Variants in ANO2 observed in about 807,000 individuals in gnomAD.
ANO2 encodes anoctamin-2.
ANO2 carries 101 observed loss-of-function variants against 124.2 expected under a neutral mutation model. The observed-to-expected ratio is 0.81, with a 90% CI of 0.69 to 0.96. ANO2 has a LOEUF of 0.96. Ranked by LOEUF, ANO2 falls within the 40% of genes least tolerant of loss-of-function variation. ANO2 has a pLI of 0.00. For synonymous variants in ANO2, 486 were observed against 482.5 expected, an observed-to-expected ratio of 1.01 and a Z score of -0.09; for missense variants, 1,293 against 1,274.5, an observed-to-expected ratio of 1.01 and a Z score of -0.22.
At chr12:5,752,554 CTA>C (rs2137094775) in intron 10 of ANO2, among the ~76,000 whole-genome samples, 1 of 152,110 alleles carries the variant, frequency 6.6e-6, no homozygotes, top group African/African-American at 2.4e-5. Flanking sequence ...TTTTATCAGG[CTA>C]TTTGGTTTTT....
At chr12:5,584,983 C>T (rs1020802696) in intron 20 of ANO2, among the ~76,000 whole-genome samples, 29 of 152,072 alleles carry the variant, frequency 1.9e-4, no homozygotes, top group African/African-American at 6.8e-4. Flanking sequence ...TGGCATCCTT[C>T]CAAGGGCTCA....
At chr12:5,698,134 A>G (rs1224790243) in intron 14 of ANO2, among the ~76,000 whole-genome samples, 2 of 152,234 alleles carry the variant, frequency 1.3e-5, no homozygotes, top group Non-Finnish European at 2.9e-5. Context: ...ATCTGAGAAC[A>G]GACAGACTGC....
At chr12:5,774,367 G>A (rs1952168650) in intron 10 of ANO2, among the ~76,000 whole-genome samples, 1 of 152,184 alleles carries the variant, frequency 6.6e-6, no homozygotes, top group Non-Finnish European at 1.5e-5. Flanking sequence ...CTCAGAGGCT[G>A]AGGTGGGAGG....
chr12:5,761,066 A>AG (rs1173479387), intron 10 of ANO2, among the ~76,000 whole-genome samples: 6 of 151,688 alleles, frequency 4.0e-5, no homozygotes, highest in Admixed American at 2.6e-4. Context: ...AGCAAAAAAA[A>AG]AAAAAAAAAA....
chr12:5,586,849 G>A (rs1441628000), intron 20 of ANO2, among the ~76,000 whole-genome samples: 1 of 152,180 alleles, frequency 6.6e-6, no homozygotes, highest in Non-Finnish European at 1.5e-5. Flanking sequence ...AATATATGGG[G>A]TAGTTTTCCT....
intron 14 of ANO2, among the ~76,000 whole-genome samples, chr12:5,682,318 T>C (rs940121890): frequency 6.7e-6 from 1 of 148,746 alleles, no homozygotes; most frequent in Non-Finnish European, 1.5e-5. Flanking sequence ...CTCTGATCTA[T>C]CTATCTCTCT....
At chr12:5,734,020 G>C (rs191467268) in intron 13 of ANO2, among the ~76,000 whole-genome samples, 1 of 152,156 alleles carries the variant, frequency 6.6e-6, no homozygotes, top group African/African-American at 2.4e-5. Context: ...ATCTCTGAAC[G>C]CTTGTAAAGT....
intron 14 of ANO2, among the ~76,000 whole-genome samples, chr12:5,703,201 A>C (rs918230999): frequency 6.6e-6 from 1 of 152,252 alleles, no homozygotes; most frequent in Admixed American, 6.5e-5. Flanking sequence ...AAGTGGATAC[A>C]TCTAAGAAAC....
chr12:5,732,717 G>A (rs902221817), intron 13 of ANO2, 87 bp from the exon 14 acceptor site: 25 of 1,524,710 alleles, frequency 1.6e-5, no homozygotes, highest in Middle Eastern at 1.7e-4. Context: ...GTACATTAAC[G>A]TCAGCGTTTA....
chr12:5,818,247 T>C (rs1180667813), intron 7 of ANO2, among the ~76,000 whole-genome samples: 1 of 151,808 alleles, frequency 6.6e-6, no homozygotes, highest in African/African-American at 2.4e-5. Flanking sequence ...TCTAATCAGC[T>C]GCCAGTGCAG....
chr12:5,599,944 G>A (rs572280054), intron 19 of ANO2, among the ~76,000 whole-genome samples: 45 of 152,346 alleles, frequency 3.0e-4, no homozygotes, highest in Middle Eastern at 3.4e-3. Context: ...GACGGCACCA[G>A]TCCTATTGTC....
intron 14 of ANO2, among the ~76,000 whole-genome samples, chr12:5,684,514 T>C (rs371739): frequency 0.81 from 123,203 of 152,050 alleles, 50,138 homozygotes; most frequent in East Asian, 0.94. Context: ...TGAAAGTGAG[T>C]GGCTGTCCAT....
At chr12:5,882,719 C>T (rs1565746934) in intron 3 of ANO2, among the ~76,000 whole-genome samples, 1 of 152,166 alleles carries the variant, frequency 6.6e-6, no homozygotes. Flanking sequence ...AGGACACAGC[C>T]AAGTCGCCCA....
intron 10 of ANO2, among the ~76,000 whole-genome samples, chr12:5,778,975 G>T (rs1952308036): frequency 6.6e-6 from 1 of 152,170 alleles, no homozygotes; most frequent in Admixed American, 6.5e-5. Context: ...CATTATTCAA[G>T]AAACAATGGG....
chr12:5,816,447 G>T (rs1334940608), intron 7 of ANO2, among the ~76,000 whole-genome samples: 1 of 152,124 alleles, frequency 6.6e-6, no homozygotes, highest in African/African-American at 2.4e-5. Context: ...CTGCTGAGAA[G>T]TAGAGTTCAG....
At chr12:5,686,648 A>G (rs1246090686) in intron 14 of ANO2, among the ~76,000 whole-genome samples, 1 of 152,232 alleles carries the variant, frequency 6.6e-6, no homozygotes, top group African/African-American at 2.4e-5. Context: ...AGAGGCCACC[A>G]TCCCCTCCAT....
intron 23 of ANO2, among the ~76,000 whole-genome samples, chr12:5,573,190 G>C (rs1271998362): frequency 6.6e-6 from 1 of 152,154 alleles, no homozygotes; most frequent in African/African-American, 2.4e-5. Context: ...ACTTGCCTAA[G>C]ATTAGATCTA....
chr12:5,718,699 C>T (rs552598725), intron 14 of ANO2, among the ~76,000 whole-genome samples: 1 of 152,366 alleles, frequency 6.6e-6, no homozygotes, highest in South Asian at 2.1e-4. Flanking sequence ...TGCCAACTGG[C>T]TTCCGGCTAG....
Position 5,908,889 on chromosome 12 carries a change from A to G in ANO2, c.534+12151T>C, listed in dbSNP as rs1361827660. ...TGCTTGTATTGGTGCCTGAATGTAA[A>G]CAGGAGCATTATCTCCTCTGGAGAA... is the stretch of plus-strand genomic sequence containing the variant. On this transcript the variant is annotated intron_variant, in intron 3 of 24. Coordinates refer to ENST00000682330, the MANE Select transcript of ANO2 (RefSeq NM_001364791.2). This position sits in a 1 kb window ranked among gnomAD's most constrained non-coding sequence, Gnocchi z 4.7. 6.6e-6 allele frequency among the ~76,000 whole-genome samples: 1 copy of G among 152,198 alleles called. No homozygotes were observed. The highest frequency in any genetic ancestry group is 1.5e-5 in the Non-Finnish European group (1 of 68,034).
Sources: allele counts gnomAD v4.1 joint callset (sites outside exome capture counted in the v4.1 genomes callset), GRCh38; gene constraint gnomAD v4.1.1; non-coding constraint Gnocchi (gnomAD v3.1); transcripts MANE v1.5; gene names NCBI Gene and HGNC (gene_info 2026-07-23, HGNC 2026-07-21).